Variants in TBC1D19 observed in about 807,000 individuals in gnomAD.
TBC1D19 encodes the protein TBC1 domain family member 19.
In TBC1D19, 60 loss-of-function variants were observed where a neutral mutation model predicts 89.0. The ratio of observed to expected loss-of-function variants is 0.67; its 90% CI spans 0.55 to 0.84. TBC1D19 has a LOEUF of 0.84. Among genes scored for constraint, TBC1D19 ranks in the 40% least tolerant of loss-of-function variants. The pLI, the probability that TBC1D19 is intolerant of heterozygous loss-of-function variation, is 0.00. For missense variants in TBC1D19, 500 were observed against 610.8 expected (o/e 0.82, Z 1.91); for synonymous variants, 189 against 199.7 (o/e 0.95, Z 0.45).
intron 15 of TBC1D19, among the ~76,000 whole-genome samples, chr4:26,722,925 T>C (rs1280327216): frequency 6.6e-6 from 1 of 152,198 alleles, no homozygotes; most frequent in Admixed American, 6.5e-5. Flanking sequence ...ATCCAAGCTG[T>C]CTGGCTTCAG....
intron 7 of TBC1D19, among the ~76,000 whole-genome samples, chr4:26,656,987 T>TCTTCTCCTTCTC (rs1553904801): frequency 0.023 from 408 of 17,814 alleles, 18 homozygotes; most frequent in South Asian, 0.097. Context: ...TTCTTCTTCT[T>TCTTCTCCTTCTC]CTTCTCCTTC....
chr4:26,638,132 A>G (rs1743252550), intron 5 of TBC1D19, among the ~76,000 whole-genome samples: 1 of 149,184 alleles, frequency 6.7e-6, no homozygotes, highest in African/African-American at 2.6e-5. Flanking sequence ...AAGAAAAGAA[A>G]AAACACTTGA....
intron 3 of TBC1D19, among the ~76,000 whole-genome samples, chr4:26,618,738 T>C (rs1024536996): frequency 3.3e-5 from 5 of 152,212 alleles, no homozygotes; most frequent in African/African-American, 1.2e-4. Context: ...CTGGCCAACA[T>C]CCAGGCAAAT....
intron 7 of TBC1D19, among the ~76,000 whole-genome samples, chr4:26,659,250 A>G (rs1433918150): frequency 1.3e-5 from 2 of 152,146 alleles, no homozygotes; most frequent in Non-Finnish European, 2.9e-5. Flanking sequence ...CAATCAAGCA[A>G]GATTTTTTTC....
the TBC1D19 span, among the ~76,000 whole-genome samples, chr4:26,831,177 A>G: frequency 2.0e-3 from 299 of 152,320 alleles, 1 homozygote; most frequent in Non-Finnish European, 3.4e-3. Flanking sequence ...TTAATTGAAA[A>G]TAAAATCTGT....
At chr4:26,776,523 C>T in the TBC1D19 span, among the ~76,000 whole-genome samples, 1 of 152,064 alleles carries the variant, frequency 6.6e-6, no homozygotes, top group Admixed American at 6.6e-5. Flanking sequence ...TCCATTTAAC[C>T]CCTTAGTCTT....
intron 16 of TBC1D19, among the ~76,000 whole-genome samples, chr4:26,736,515 G>A (rs1357810540): frequency 6.6e-6 from 1 of 151,792 alleles, no homozygotes; most frequent in East Asian, 1.9e-4. Context: ...TGCACAATGT[G>A]CACATGTACC....
intron 9 of TBC1D19, among the ~76,000 whole-genome samples, chr4:26,671,357 G>A (rs765503111): frequency 4.6e-5 from 7 of 151,620 alleles, no homozygotes; most frequent in Non-Finnish European, 8.9e-5. Context: ...CTCTATTTAA[G>A]TCTTTTGCCT....
At chr4:26,758,830 G>A (rs113772806), downstream of TBC1D19, among the ~76,000 whole-genome samples, 18 of 152,038 alleles carry the variant, frequency 1.2e-4, no homozygotes, top group African/African-American at 3.9e-4. Context: ...AATAATAAGG[G>A]GTATCATTAT....
intron 1 of TBC1D19, among the ~76,000 whole-genome samples, chr4:26,599,795 G>GAAAT (rs1167060416): frequency 6.6e-6 from 1 of 151,710 alleles, no homozygotes; most frequent in East Asian, 1.9e-4. Flanking sequence ...GAGTACAAAA[G>GAAAT]AAATTAGCTG....
At chr4:26,598,399 C>CTTT (rs67919748) in intron 1 of TBC1D19, among the ~76,000 whole-genome samples, 1 of 150,604 alleles carries the variant, frequency 6.6e-6, no homozygotes. Flanking sequence ...AAATATTCTT[C>CTTT]TTTTTTTTTT....
At chr4:26,850,170 T>C in the TBC1D19 span, among the ~76,000 whole-genome samples, 1 of 152,248 alleles carries the variant, frequency 6.6e-6, no homozygotes, top group East Asian at 1.9e-4. Flanking sequence ...GGAGATAGTT[T>C]ATTTACAGAG....
chr4:26,596,680 G>T (rs1470748692), intron 1 of TBC1D19, among the ~76,000 whole-genome samples: 5 of 146,010 alleles, frequency 3.4e-5, no homozygotes, highest in Admixed American at 6.9e-5. Flanking sequence ...GGAAGCTTGT[G>T]CCATACACTT....
the TBC1D19 span, among the ~76,000 whole-genome samples, chr4:26,843,433 T>C: frequency 2.6e-5 from 4 of 151,926 alleles, no homozygotes; most frequent in East Asian, 3.9e-4. Flanking sequence ...ACATCTCAAA[T>C]AGAGAAAGAA....
chr4:26,578,879 T>C (rs960726595), intron 1 of TBC1D19, among the ~76,000 whole-genome samples: 1 of 152,188 alleles, frequency 6.6e-6, no homozygotes, highest in South Asian at 2.1e-4. Context: ...GGCTAACAGA[T>C]ATAGGGAGGC....
intron 11 of TBC1D19, among the ~76,000 whole-genome samples, chr4:26,677,477 C>T (rs776221636): frequency 1.3e-5 from 2 of 152,106 alleles, no homozygotes; most frequent in Non-Finnish European, 2.9e-5. Context: ...CGCCACTACA[C>T]CGGCTAATTT....
intron 15 of TBC1D19, among the ~76,000 whole-genome samples, chr4:26,734,338 A>G (rs1212657238): frequency 6.6e-6 from 1 of 152,216 alleles, no homozygotes; most frequent in Non-Finnish European, 1.5e-5. Context: ...AACATGTCTG[A>G]ATAAAGCATT....
At chr4:26,782,574 T>G in the TBC1D19 span, among the ~76,000 whole-genome samples, 1 of 152,222 alleles carries the variant, frequency 6.6e-6, no homozygotes. Context: ...AATTTAGCAT[T>G]GTACTTTCTG....
In TBC1D19 at chr4:26,673,850, T is replaced by C. The variant is rs375743466; in HGVS notation, c.778T>C (p.Leu260=). ...QGSPTALRAE[L]WALILNISSQ... ...AAGTCCCACGGCACTGAGAGCTGAA[T>C]TGTGGGCTCTCATTTTGAATATTTC... is the stretch of plus-strand genomic sequence containing the variant. Residue 260 remains leucine (L), a synonymous_variant, in exon 11 of 21, where the codon TTG becomes CTG. Coordinates refer to ENST00000264866, the MANE Select transcript of TBC1D19 (RefSeq NM_018317.4). 14 of 1,608,208 alleles carry C rather than the reference T, an allele frequency of 8.7e-6. No individual in the cohort carries two copies. Among genetic ancestry groups the C allele is most frequent in the African/African-American group, 1.3e-5 (1 of 74,648 alleles).
Sources: gnomAD v4.1 joint callset for allele counts (sites outside exome capture counted in the v4.1 genomes callset) on GRCh38, gnomAD v4.1.1 for gene constraint, MANE v1.5 for transcripts, NCBI Gene and HGNC (gene_info 2026-07-23, HGNC 2026-07-21) for gene names.